GEM: variants seen among roughly 807,000 people sequenced by gnomAD.
The protein encoded by GEM is GTP binding protein overexpressed in skeletal muscle.
GEM carries 31 observed loss-of-function variants against 33.0 expected under a neutral mutation model. That is an observed-to-expected ratio of 0.94 (90% CI 0.71 to 1.27). GEM has a LOEUF of 1.27. GEM is among the 50% of genes most tolerant of loss of function. The pLI, the probability that GEM is intolerant of heterozygous loss-of-function variation, is 0.00. For synonymous variants in GEM, 141 were observed against 143.7 expected (o/e 0.98, Z 0.13); for missense variants, 354 against 390.5 (o/e 0.91, Z 0.79).
In GEM at chr8:94,249,966, G is replaced by A. The variant is rs1341647097; in HGVS notation, c.*344C>T. On this transcript the variant is annotated 3_prime_UTR_variant, in exon 5 of 5. Transcript: ENST00000297596. ...CTCAAAGTCACATATCAGAACACTG[G>A]GAAAAATTTTTAATGATGAAAAGTT... The A allele has an allele frequency of 4.8e-6, 1 of 207,192 alleles. No individual in the cohort carries two copies. The highest frequency in any genetic ancestry group is 5.7e-5 in the Admixed American group (1 of 17,438). 12.8% of individuals were successfully genotyped at this position (207,192 alleles called of 1,614,324 possible). A position where few individuals can be genotyped will look rare whatever the true frequency, so the allele number is the denominator to read the frequency against.
rs538643032 is a variant in GEM, at chr8:94,252,236, T to C, written c.409-13A>G. The C allele has an allele frequency of 6.4e-7, 1 of 1,571,442 alleles. No individual in the cohort carries two copies. Among genetic ancestry groups the C allele is most frequent in the Non-Finnish European group, 8.7e-7 (1 of 1,144,686 alleles). Reference sequence around the variant, plus strand: ...ATTCATTTTCCCCCTAATGAAACAATAAGATCTTCTGTGAGTTCAGTTAGG... The same window carrying C: ...ATTCATTTTCCCCCTAATGAAACAACAAGATCTTCTGTGAGTTCAGTTAGG... On this transcript the variant is annotated splice_polypyrimidine_tract_variant and intron_variant, in intron 3 of 4. Transcript: ENST00000297596.
At position 94,262,312 on chromosome 8, in the gene GEM, C is replaced by CGCCGCCTGCA. The variant is rs1809041927; in HGVS notation, c.-233_-232insTGCAGGCGGC. 6.6e-6 allele frequency: 1 copy of CGCCGCCTGCA among 152,194 alleles called. No homozygotes were observed. The highest frequency in any genetic ancestry group is 2.1e-4 in the South Asian group (1 of 4,838). 9.4% of individuals were successfully genotyped at this position (152,194 alleles called of 1,614,324 possible). On this transcript the variant is annotated 5_prime_UTR_variant, in exon 1 of 5. Coordinates refer to ENST00000297596, the MANE Select transcript of GEM (RefSeq NM_005261.4). ...CTGCGCTGTGCCCGCCGTCCTTGCC[C>CGCCGCCTGCA]GCCGCCTGCAGCCGCCGCGGCCGGG...
rs1302679763 is a variant in GEM at position 94,260,249 on chromosome 8, C to T, written c.255G>A (p.Gly85=). 1.2e-6 allele frequency: 2 copies of T among 1,613,526 alleles called. No individual in the cohort carries two copies. Among genetic ancestry groups the T allele is most frequent in the Non-Finnish European group, 1.7e-6 (2 of 1,179,550 alleles). The change falls in exon 2 of 5, where the codon GGG becomes GGA. Residue 85 remains glycine (G), a synonymous_variant. Transcript: ENST00000297596. ...YYRVVLIGEQ[G]VGKSTLANIF... ...TGTTGGCCAGAGTGGACTTGCCCAC[C>T]CCCTGCTCCCCTATGAGCACCACTC...
intron 2 of GEM, among the ~76,000 whole-genome samples, chr8:94,254,556 C>T (rs1808847708): frequency 6.6e-6 from 1 of 152,194 alleles, no homozygotes; most frequent in Admixed American, 6.5e-5. Flanking sequence ...CAGTGTTAGC[C>T]ATTATCACTT....
At chr8:94,259,038 T>C (rs1259855184) in intron 2 of GEM, among the ~76,000 whole-genome samples, 1 of 152,222 alleles carries the variant, frequency 6.6e-6, no homozygotes, top group South Asian at 2.1e-4. Context: ...AGGGAATCAA[T>C]TGTACAACAC....
chr8:94,255,514 C>T (rs941256423), intron 2 of GEM, among the ~76,000 whole-genome samples: 1 of 152,258 alleles, frequency 6.6e-6, no homozygotes, highest in Non-Finnish European at 1.5e-5. Flanking sequence ...ACCCTTCCAG[C>T]ACACATGGCA....
intron 2 of GEM, 66 bp downstream of exon 2, chr8:94,260,107 C>T: frequency 9.7e-7 from 1 of 1,032,486 alleles, no homozygotes. Context: ...ATAAGTCACC[C>T]ACCCTCACTC....
chr8:94,252,507 A>C (rs756519987), intron 3 of GEM, among the ~76,000 whole-genome samples: 2 of 152,168 alleles, frequency 1.3e-5, no homozygotes, highest in Non-Finnish European at 2.9e-5. Context: ...TTCTCTGCCA[A>C]ACAGCATTTC....
chr8:94,251,906 A>C, intron 4 of GEM, 113 bp downstream of exon 4: 1 of 785,136 alleles, frequency 1.3e-6, no homozygotes, highest in South Asian at 1.6e-5. Flanking sequence ...TTCATATAGC[A>C]TCTTAATGAG....
In GEM at chr8:94,262,091, A is replaced by G; in HGVS notation, c.-11T>C. ...TGCACTTGAAGCTCTGACCCCTACC[A>G]GAAAATCCCAGTGCTGAGCGCACGT... On this transcript the variant is annotated splice_region_variant and 5_prime_UTR_variant, in exon 1 of 5. Coordinates refer to ENST00000297596, the MANE Select transcript of GEM (RefSeq NM_005261.4). 6.6e-6 allele frequency: 1 copy of G among 152,410 alleles called. No homozygotes were observed. The highest frequency in any genetic ancestry group is 1.9e-4 in the East Asian group (1 of 5,184). The allele number at this position is 152,410 out of a possible 1,614,324, so 9.4% of individuals were successfully genotyped here. A position where few individuals can be genotyped will look rare whatever the true frequency, so the allele number is the denominator to read the frequency against.
At position 94,260,491 on chromosome 8, in the gene GEM, T is replaced by C; in HGVS notation, c.13A>G (p.Asn5Asp). 1 of 1,597,786 alleles carries C rather than the reference T, an allele frequency of 6.3e-7. No individual in the cohort carries two copies. Among genetic ancestry groups the C allele is most frequent in the South Asian group, 1.1e-5 (1 of 90,390 alleles). MTLNNVTMRQGTVGM... is the reference protein window; with the variant it reads MTLNDVTMRQGTVGM... ...ACAGTGCCCTGGCGCATGGTGACAT[T>C]ATTCAGAGTCATCGTTGAGTCCTGG... Residue 5 changes from asparagine to aspartate, a missense_variant, in exon 2 of 5, where the codon AAT (asparagine) becomes GAT (aspartate). Transcript: ENST00000297596.
chr8:94,255,602 G>A (rs145790132), intron 2 of GEM, among the ~76,000 whole-genome samples: 1 of 152,316 alleles, frequency 6.6e-6, no homozygotes, highest in Non-Finnish European at 1.5e-5. Flanking sequence ...CATCTAAGTT[G>A]CTCAGCTCAT....
At position 94,259,469 on chromosome 8, in the gene GEM, A is replaced by T. The variant is rs531754216; in HGVS notation, c.331+704T>A. On this transcript the variant is annotated intron_variant, in intron 2 of 4. Transcript: ENST00000297596. The stretch of plus-strand genomic sequence containing the variant: ...TTTATGGATGGCATTGGCTATCAGG[A>T]TCCTCATATTACTTAGCAGAACATA... Among the ~76,000 whole-genome samples, 4 of 152,280 alleles carry T rather than the reference A, an allele frequency of 2.6e-5. No homozygotes were observed. The East Asian group carries it at 7.7e-4, about 29-fold the overall frequency.
At chr8:94,261,471 TC>T (rs1809021587) in intron 1 of GEM, among the ~76,000 whole-genome samples, 1 of 152,214 alleles carries the variant, frequency 6.6e-6, no homozygotes, top group African/African-American at 2.4e-5. Flanking sequence ...CACTTCAGCC[TC>T]CCAAGTAGCT....
At position 94,260,478 on chromosome 8, in the gene GEM, C is replaced by A; in HGVS notation, c.26G>T (p.Arg9Leu). Reference protein sequence around the residue: MTLNNVTMRQGTVGMQPQQ... With the variant: MTLNNVTMLQGTVGMQPQQ... ...TGGCTGCATGCCCACAGTGCCCTGG[C>A]GCATGGTGACATTATTCAGAGTCAT... Residue 9 changes from arginine (R) to leucine (L), a missense_variant, in exon 2 of 5, where the codon CGC (arginine) becomes CTC (leucine). Transcript: ENST00000297596. 3 of 1,606,688 alleles carry A rather than the reference C, an allele frequency of 1.9e-6. No homozygotes were observed. The highest frequency in any genetic ancestry group is 1.7e-6 in the Non-Finnish European group (2 of 1,174,878).
Position 94,250,219 on chromosome 8 carries a change from T to G in GEM, c.*91A>C. ...CCCTGCTACAATGGGGGAAACCACATCTAACTTAAGTATTCAATCTAATAT... is the reference window on the plus strand; with the variant it reads ...CCCTGCTACAATGGGGGAAACCACAGCTAACTTAAGTATTCAATCTAATAT... On this transcript the variant is annotated 3_prime_UTR_variant, in exon 5 of 5. Transcript: ENST00000297596. 1 of 1,067,632 alleles carries G rather than the reference T, an allele frequency of 9.4e-7. No homozygotes were observed. The highest frequency in any genetic ancestry group is 1.4e-6 in the Non-Finnish European group (1 of 728,738). 66.1% of individuals were successfully genotyped at this position (1,067,632 alleles called of 1,614,324 possible).
At chr8:94,252,323 G>A in intron 3 of GEM, 100 bp from the exon 4 acceptor site, 1 of 808,422 alleles carries the variant, frequency 1.2e-6, no homozygotes, top group East Asian at 2.5e-5. Flanking sequence ...TACACTTGCT[G>A]ATAGGAAAAA....
intron 4 of GEM, 47 bp downstream of exon 4, chr8:94,251,972 A>G (rs1586059738): frequency 1.4e-6 from 2 of 1,391,036 alleles, no homozygotes; most frequent in South Asian, 1.2e-5. Context: ...AGGAAAACAC[A>G]TGTGATCCAG....
At chr8:94,259,281 A>ACACCT (rs1808965145) in intron 2 of GEM, among the ~76,000 whole-genome samples, 1 of 152,150 alleles carries the variant, frequency 6.6e-6, no homozygotes, top group South Asian at 2.1e-4. Flanking sequence ...CATCGCTAAG[A>ACACCT]CACCTCCCTA....
Sources: gnomAD v4.1 joint callset for allele counts (sites outside exome capture counted in the v4.1 genomes callset) on GRCh38, gnomAD v4.1.1 for gene constraint, MANE v1.5 for transcripts, NCBI Gene and HGNC (gene_info 2026-07-23, HGNC 2026-07-21) for gene names.